Variants in ANTXR1 observed in about 807,000 individuals in gnomAD.
ANTXR1 encodes the protein ANTXR cell adhesion molecule 1.
ANTXR1 carries 19 observed loss-of-function variants against 78.1 expected under a neutral mutation model. That is an observed-to-expected ratio of 0.24 (90% CI 0.17 to 0.36). ANTXR1 has a LOEUF of 0.36. Among genes scored for constraint, ANTXR1 ranks in the 10% least tolerant of loss-of-function variants. The pLI, the probability that ANTXR1 is intolerant of heterozygous loss-of-function variation, is 1.00. For synonymous variants in ANTXR1, 273 were observed against 260.5 expected (o/e 1.05, Z -0.46); for missense variants, 518 against 718.6 (o/e 0.72, Z 3.19).
intron 10 of ANTXR1, among the ~76,000 whole-genome samples, chr2:69,112,499 C>G (rs980124581): frequency 6.6e-6 from 1 of 152,044 alleles, no homozygotes; most frequent in Non-Finnish European, 1.5e-5. Flanking sequence ...TCAATAGATC[C>G]CCCTCATTTT....
At chr2:69,077,652 G>C (rs879183865) in intron 8 of ANTXR1, among the ~76,000 whole-genome samples, 164 bp downstream of exon 8, 2 of 152,084 alleles carry the variant, frequency 1.3e-5, no homozygotes, top group Admixed American at 1.3e-4. Flanking sequence ...TCTCCCTTCT[G>C]CCTTTTACAC....
intron 12 of ANTXR1, among the ~76,000 whole-genome samples, chr2:69,135,647 C>G (rs1477806107): frequency 6.6e-6 from 1 of 151,912 alleles, no homozygotes; most frequent in Non-Finnish European, 1.5e-5. Context: ...TAAAGAGGAC[C>G]ATTACATAAT....
chr2:69,206,756 G>A (rs1218886234), intron 17 of ANTXR1, among the ~76,000 whole-genome samples: 1 of 152,184 alleles, frequency 6.6e-6, no homozygotes. Context: ...ATAAGCCCAT[G>A]AGAACTGCCC....
intron 14 of ANTXR1, among the ~76,000 whole-genome samples, chr2:69,179,350 C>T (rs918919232): frequency 6.6e-5 from 10 of 151,768 alleles, no homozygotes; most frequent in African/African-American, 2.4e-4. Context: ...AGTTTGTGAC[C>T]GGCCTGGGCA....
intron 1 of ANTXR1, among the ~76,000 whole-genome samples, chr2:69,029,989 T>C (rs1265541130): frequency 1.3e-5 from 2 of 152,204 alleles, no homozygotes; most frequent in African/African-American, 4.8e-5. Flanking sequence ...CATTTACATA[T>C]GCAAGAAGAT....
rs1422149385 is a variant in ANTXR1 at position 69,013,573 on chromosome 2, G to A, written c.74G>A (p.Cys25Tyr). 11 of 1,572,334 alleles carry A rather than the reference G, an allele frequency of 7.0e-6. No individual in the cohort carries two copies. The highest frequency in any genetic ancestry group is 1.7e-4 in the Middle Eastern group (1 of 6,000). Residue 25 changes from cysteine (C) to tyrosine (Y), a missense_variant, in exon 1 of 18, where the codon TGC becomes TAC. This residue lies in a region of ANTXR1 where 55 missense variants were observed against 52.5 expected (regional missense o/e 1.05). Coordinates refer to ENST00000303714, the MANE Select transcript of ANTXR1 (RefSeq NM_032208.3). This position sits in a 1 kb window ranked among gnomAD's most constrained non-coding sequence, Gnocchi z 5.0. ...TCTTTGGCCACTCTGGTGCTCATCT[G>A]CGCCGGGCAAGGGGGACGCAGGGAG... The part of the protein sequence containing the change: ...WLSLATLVLI[C>Y]AGQGGRREDG...
At chr2:69,111,193 A>C (rs1671967934) in intron 10 of ANTXR1, among the ~76,000 whole-genome samples, 1 of 152,220 alleles carries the variant, frequency 6.6e-6, no homozygotes, top group African/African-American at 2.4e-5. Context: ...TCTGCTGGCC[A>C]AGAAAATATC....
chr2:69,111,553 G>GCACACTTTAT (rs1671977480), intron 10 of ANTXR1, among the ~76,000 whole-genome samples: 1 of 152,136 alleles, frequency 6.6e-6, no homozygotes, highest in Non-Finnish European at 1.5e-5. Flanking sequence ...TATATTATAG[G>GCACACTTTAT]CACACTTTAT....
intron 9 of ANTXR1, among the ~76,000 whole-genome samples, chr2:69,096,299 AGG>A (rs1558541211): frequency 0.033 from 101 of 3,090 alleles, 14 homozygotes; most frequent in African/African-American, 0.12. Context: ...GGAGGAAGGG[AGG>A]AAGGGAGGAA....
At chr2:69,090,625 AAATG>A (rs1286607836) in intron 8 of ANTXR1, 1 of 582,808 alleles carries the variant, frequency 1.7e-6, no homozygotes, top group East Asian at 2.9e-5. Context: ...CCAAAAGAGC[AAATG>A]AATGAATAAT....
Position 69,073,046 on chromosome 2 carries a change from T to C in ANTXR1, c.437T>C (p.Ile146Thr). ...GGGTACAGGACAGCCAGCGTCATCA[T>C]TGCTTTGACTGATGGAGAACTCCAT... is the stretch of plus-strand genomic sequence containing the variant. ...RQGYRTASVI[I>T]ALTDGELHED... The change falls in exon 6 of 18, where the codon ATT becomes ACT. Residue 146 changes from isoleucine (I) to threonine (T), a missense_variant. By Grantham distance (89) the Ile-to-Thr change is moderately conservative. Around this residue, in one of 5 missense-constraint regions of ANTXR1, gnomAD observed 264 missense variants for 391.8 expected, o/e 0.67. Coordinates refer to ENST00000303714, the MANE Select transcript of ANTXR1 (RefSeq NM_032208.3). 1 of 1,614,110 alleles carries C rather than the reference T, an allele frequency of 6.2e-7. No individual in the cohort carries two copies.
intron 16 of ANTXR1, among the ~76,000 whole-genome samples, chr2:69,193,066 A>G (rs960752762): frequency 1.3e-5 from 2 of 152,164 alleles, no homozygotes; most frequent in Non-Finnish European, 2.9e-5. Flanking sequence ...AGCTTGAATC[A>G]AGTTATGTTT....
chr2:69,229,818 G>A (rs1428179956), intron 17 of ANTXR1, among the ~76,000 whole-genome samples: 1 of 151,782 alleles, frequency 6.6e-6, no homozygotes, highest in Non-Finnish European at 1.5e-5. Flanking sequence ...TTAAAACCAG[G>A]CTCTTTGGAG....
At chr2:69,142,593 T>C (rs1673099965) in intron 12 of ANTXR1, among the ~76,000 whole-genome samples, 2 of 152,244 alleles carry the variant, frequency 1.3e-5, no homozygotes, top group South Asian at 4.1e-4. Context: ...GTCCATTTTA[T>C]GCTCTTGTTC....
chr2:69,123,177 T>C, intron 11 of ANTXR1, 91 bp downstream of exon 11: 1 of 1,358,012 alleles, frequency 7.4e-7, no homozygotes, highest in Non-Finnish European at 1.1e-6. Context: ...CTAGAGAAAG[T>C]GGAGCCTTTC....
rs547817793 is a variant in ANTXR1, at chr2:69,130,610, G to A, written c.951+5967G>A. Among the ~76,000 whole-genome samples the A allele has an allele frequency of 2.4e-4, 37 of 152,234 alleles. No individual in the cohort carries two copies. The South Asian group carries it at 6.2e-3, about 26-fold the overall frequency. On this transcript the variant is annotated intron_variant, in intron 12 of 17. Coordinates refer to ENST00000303714, the MANE Select transcript of ANTXR1 (RefSeq NM_032208.3). ...TGGAGTCTGTTTCAGAACCTGTCTC[G>A]CATTTTTATAGTAAAGATTAAGTAT...
rs1328511534 is a variant in ANTXR1 at position 69,047,647 on chromosome 2, GA to G, written c.296+2837del. 9.9e-5 allele frequency among the ~76,000 whole-genome samples: 15 copies of G among 152,094 alleles called. No individual in the cohort carries two copies. The East Asian group carries it at 2.9e-3, about 29-fold the overall frequency. ...TTTGCAGCTACTTGAGTTGGGGGGG[GA>G]AATTCTGGACCTCATGGTAGTGTGG... On this transcript the variant is annotated intron_variant, in intron 3 of 17. Coordinates refer to ENST00000303714, the MANE Select transcript of ANTXR1 (RefSeq NM_032208.3).
chr2:69,191,889 T>C (rs981465458), intron 16 of ANTXR1, among the ~76,000 whole-genome samples: 1 of 152,268 alleles, frequency 6.6e-6, no homozygotes, highest in African/African-American at 2.4e-5. Flanking sequence ...GGCAAGTTAC[T>C]TGATCTCTCT....
chr2:69,046,454 T>C (rs922547881), intron 3 of ANTXR1, among the ~76,000 whole-genome samples: 56 of 152,234 alleles, frequency 3.7e-4, no homozygotes, highest in Non-Finnish European at 1.6e-4. Flanking sequence ...CTACTGCTAG[T>C]TTCCTGTTCT....
Sources: gnomAD v4.1 joint callset for allele counts (sites outside exome capture counted in the v4.1 genomes callset) on GRCh38, gnomAD v4.1.1 for gene constraint, gnomAD v4.1.1 regional missense constraint, Gnocchi (gnomAD v3.1) non-coding constraint, MANE v1.5 for transcripts, NCBI Gene and HGNC (gene_info 2026-07-23, HGNC 2026-07-21) for gene names.